The following DSCAML1 variants were observed in gnomAD, a reference collection of about 807,000 sequenced individuals.
The protein encoded by DSCAML1 is cell adhesion molecule DSCAML1.
In DSCAML1, 38 loss-of-function variants were observed where a neutral mutation model predicts 200.5. That is an observed-to-expected ratio of 0.19 (90% CI 0.15 to 0.25). The LOEUF (loss-of-function observed/expected upper bound fraction) is 0.25, where lower values mean the gene tolerates loss of function less well. Ranked by LOEUF, DSCAML1 falls within the 10% of genes least tolerant of loss-of-function variation. The pLI is 1.00. For missense variants in DSCAML1, 2,223 were observed against 2,858.8 expected, an observed-to-expected ratio of 0.78 and a Z score of 5.07; for synonymous variants, 1,215 against 1,165.0, an observed-to-expected ratio of 1.04 and a Z score of -0.87.
chr11:117,765,231 G>T (rs2054874329), intron 3 of DSCAML1, among the ~76,000 whole-genome samples: 1 of 152,214 alleles, frequency 6.6e-6, no homozygotes, highest in Admixed American at 6.5e-5. Flanking sequence ...CAACCGGCTT[G>T]CTATTCCACT....
Position 117,809,905 on chromosome 11 carries a change from ACACACACATT to A in DSCAML1, c.-250+7475_-250+7484del, listed in dbSNP as rs1309114510. 5.9e-5 allele frequency among the ~76,000 whole-genome samples: 8 copies of A among 134,592 alleles called. No individual in the cohort carries two copies. The East Asian group carries it at 1.4e-3, about 23-fold the overall frequency. The allele number at this position is 134,592 out of a possible 152,430, so 88.3% of individuals were successfully genotyped here. ...CTTACACACACACACCCACACACTC[ACACACACATT>A]CACACATTCACACACACGCATATTC... On this transcript the variant is annotated intron_variant, in intron 1 of 2. Coordinates refer to the DSCAML1 transcript ENST00000525836.
Position 117,769,278 on chromosome 11 carries a change from AT to A in DSCAML1, c.511+7512del, listed in dbSNP as rs1228265139. Among the ~76,000 whole-genome samples, 7 of 3,228 alleles carry A rather than the reference AT, an allele frequency of 2.2e-3. 1 individual carries two copies. Among genetic ancestry groups the A allele is most frequent in the African/African-American group, 1.7e-3 (5 of 2,968 alleles). 2.1% of individuals were successfully genotyped at this position (3,228 alleles called of 152,430 possible). On this transcript the variant is annotated intron_variant, in intron 3 of 32. Coordinates refer to ENST00000651296, the MANE Select transcript of DSCAML1 (RefSeq NM_020693.4). ...TATTATATATTTTATATATTTATAT[AT>A]TATATATTTTATATATTTATATATA...
chr11:117,457,192 G>T (rs753922405), intron 19 of DSCAML1, among the ~76,000 whole-genome samples: 1 of 152,224 alleles, frequency 6.6e-6, no homozygotes, highest in Non-Finnish European at 1.5e-5. Context: ...TCCATGCTGC[G>T]GCGCCGCCTC....
intron 20 of DSCAML1, among the ~76,000 whole-genome samples, chr11:117,448,850 T>C (rs551801570): frequency 6.6e-6 from 1 of 152,230 alleles, no homozygotes; most frequent in African/African-American, 2.4e-5. Flanking sequence ...CTTCCTCTCC[T>C]AGGCGTACAC....
intron 30 of DSCAML1, 122 bp downstream of exon 30, chr11:117,432,230 T>C (rs767277568): frequency 1.7e-6 from 2 of 1,192,734 alleles, no homozygotes; most frequent in Non-Finnish European, 2.3e-6. Context: ...GTGCTTTCCA[T>C]TTTTGCATTC....
At chr11:117,543,436 T>C (rs1773332112) in intron 3 of DSCAML1, among the ~76,000 whole-genome samples, 1 of 151,848 alleles carries the variant, frequency 6.6e-6, no homozygotes, top group Admixed American at 6.6e-5. Context: ...TGTGCTGGTG[T>C]GTGTACCTGC....
intron 3 of DSCAML1, among the ~76,000 whole-genome samples, chr11:117,593,106 TACTGAAGAA>T (rs2051290518): frequency 6.6e-6 from 1 of 152,228 alleles, no homozygotes; most frequent in Admixed American, 6.5e-5. Context: ...TGTTCCTCAC[TACTGAAGAA>T]AGGGGGCAGT....
intron 13 of DSCAML1, 140 bp downstream of exon 13, chr11:117,481,034 G>T: frequency 1.3e-6 from 1 of 781,078 alleles, no homozygotes; most frequent in Non-Finnish European, 2.1e-6. Flanking sequence ...CAGGTGGAGG[G>T]AGGCTTTTCC....
intron 1 of DSCAML1, among the ~76,000 whole-genome samples, chr11:117,782,200 G>A (rs2055277631): frequency 6.6e-6 from 1 of 152,180 alleles, no homozygotes; most frequent in South Asian, 2.1e-4. Flanking sequence ...TAATATTCTT[G>A]GCTTAACTCT....
chr11:117,812,680 C>T (rs1264430405), intron 1 of DSCAML1, among the ~76,000 whole-genome samples: 2 of 151,296 alleles, frequency 1.3e-5, no homozygotes, highest in African/African-American at 4.8e-5. Flanking sequence ...CAAATTTCAT[C>T]CTCATCTGTT....
intron 3 of DSCAML1, among the ~76,000 whole-genome samples, chr11:117,597,471 C>T (rs113817315): frequency 8.0e-4 from 122 of 152,290 alleles, no homozygotes; most frequent in Middle Eastern, 3.4e-3. Context: ...TTTTTCGAGA[C>T]GGAGTCTCAC....
chr11:117,675,733 C>T (rs757551863), intron 3 of DSCAML1, among the ~76,000 whole-genome samples: 11 of 152,140 alleles, frequency 7.2e-5, no homozygotes, highest in South Asian at 2.1e-4. Context: ...TGGAGCACCT[C>T]GGGCATCGTT....
At chr11:117,680,797 C>T (rs2053297048) in intron 3 of DSCAML1, among the ~76,000 whole-genome samples, 1 of 152,338 alleles carries the variant, frequency 6.6e-6, no homozygotes, top group East Asian at 1.9e-4. Flanking sequence ...CTCACGCCCC[C>T]TGCCAGGCAG....
intron 3 of DSCAML1, among the ~76,000 whole-genome samples, chr11:117,585,259 C>CT (rs1011035131): frequency 3.5e-4 from 53 of 151,038 alleles, no homozygotes; most frequent in South Asian, 2.3e-3. Flanking sequence ...TATTTTTTTT[C>CT]TTTTTTTTTG....
chr11:117,716,709 TG>T lies in DSCAML1; in HGVS notation c.511+60081del, dbSNP rs1284365767. 2.6e-5 allele frequency among the ~76,000 whole-genome samples: 4 copies of T among 152,232 alleles called. No homozygotes were observed. In the South Asian group the frequency reaches 6.2e-4, roughly 24 times the overall value. ...ATGGCTTTTATATGGTTGAAATGGT[TG>T]GGGGGAAAAAGAAAACACCAAAAGG... On this transcript the variant is annotated intron_variant, in intron 3 of 32. Transcript: ENST00000651296.
chr11:117,643,580 T>C (rs1018694285), intron 3 of DSCAML1, among the ~76,000 whole-genome samples: 6 of 152,150 alleles, frequency 3.9e-5, no homozygotes, highest in African/African-American at 1.4e-4. Flanking sequence ...CCACATCGTT[T>C]TTAAAAGACA....
intron 1 of DSCAML1, among the ~76,000 whole-genome samples, chr11:117,786,735 C>A (rs76743458): frequency 2.6e-5 from 4 of 152,170 alleles, no homozygotes. Context: ...ACCTCGCCAC[C>A]TCCACTGGGA....
rs1261825926 is a variant in DSCAML1 at position 117,524,931 on chromosome 11, G to A, written c.811C>T (p.Arg271Cys). ...AGCCCTGTGATGCGCTTGGTCCAGC[G>A]GCTGTCAGCCGGGAGGGGCCGGCCA... ...KDGRPLPADS[R>C]WTKRITGLTI... The change falls in exon 5 of 33, where the codon CGC becomes TGC. Residue 271 changes from arginine to cysteine, a missense_variant. Transcript: ENST00000651296. 3 of 1,613,560 alleles carry A rather than the reference G, an allele frequency of 1.9e-6. No individual in the cohort carries two copies. Among genetic ancestry groups the A allele is most frequent in the Admixed American group, 1.7e-5 (1 of 59,918 alleles).
Position 117,806,830 on chromosome 11 carries a change from C to T in DSCAML1, c.-250+10560G>A, listed in dbSNP as rs74970065. Among the ~76,000 whole-genome samples, 766 of 152,218 alleles carry T rather than the reference C, an allele frequency of 5.0e-3. 4 individuals carry two copies. The highest frequency in any genetic ancestry group is 0.017 in the African/African-American group (715 of 41,516). ...CAAGAATATACAAAAGTGGGGAGAACAGTATAACGAATTATTATGCACTCA... is the reference window on the plus strand; with the variant it reads ...CAAGAATATACAAAAGTGGGGAGAATAGTATAACGAATTATTATGCACTCA... On this transcript the variant is annotated intron_variant, in intron 1 of 2. Coordinates refer to the DSCAML1 transcript ENST00000525836.
Sources: gnomAD v4.1 joint callset for allele counts (sites outside exome capture counted in the v4.1 genomes callset) on GRCh38, gnomAD v4.1.1 for gene constraint, MANE v1.5 for transcripts, NCBI Gene and HGNC (gene_info 2026-07-23, HGNC 2026-07-21) for gene names.